The following MYBPC2 variants were observed in gnomAD, a reference collection of about 807,000 sequenced individuals.
The protein encoded by MYBPC2 is myosin binding protein C2.
In MYBPC2, 122 loss-of-function variants were observed where a neutral mutation model predicts 137.0. The ratio of observed to expected loss-of-function variants is 0.89; its 90% CI spans 0.77 to 1.03. MYBPC2 has a LOEUF of 1.03. Among genes scored for constraint, MYBPC2 ranks in the 50% least tolerant of loss-of-function variants. MYBPC2 has a pLI of 0.00. For missense variants in MYBPC2, 1,500 were observed against 1,534.4 expected, an observed-to-expected ratio of 0.98 and a Z score of 0.37; for synonymous variants, 626 against 612.3, an observed-to-expected ratio of 1.02 and a Z score of -0.33.
Position 50,435,877 on chromosome 19 carries a change from G to A in MYBPC2, c.196+15G>A. ...AGTGGAGACTGGTGAGGGGAACCCG[G>A]GGGAGGAGGGGCTGCGGCCCGGACT... On this transcript the variant is annotated intron_variant, in intron 3 of 27. Transcript: ENST00000357701. This position sits in a 1 kb window ranked among gnomAD's most constrained non-coding sequence, Gnocchi z 4.8. The A allele has an allele frequency of 6.4e-7, 1 of 1,573,118 alleles. No individual in the cohort carries two copies. The highest frequency in any genetic ancestry group is 8.6e-7 in the Non-Finnish European group (1 of 1,157,832).
In MYBPC2 at chr19:50,459,933, A is replaced by C; in HGVS notation, c.2792-107A>C. On this transcript the variant is annotated intron_variant, in intron 23 of 27. Transcript: ENST00000357701. ...CCATAGGCAGGAATGGGAATGGGGC[A>C]TAAGAGAGGTTAGAATCAGGAGGGA... 3 of 1,463,548 alleles carry C rather than the reference A, an allele frequency of 2.0e-6. No individual in the cohort carries two copies. In the South Asian group the frequency reaches 3.7e-5, roughly 18 times the overall value. 90.7% of individuals were successfully genotyped at this position (1,463,548 alleles called of 1,614,324 possible). A position where few individuals can be genotyped will look rare whatever the true frequency, so the allele number is the denominator to read the frequency against.
rs778638767 is a variant in MYBPC2, at chr19:50,450,882, C to T, written c.1526C>T (p.Thr509Met). Residue 509 changes from threonine (T) to methionine (M), a missense_variant, in exon 14 of 28, where the codon ACG becomes ATG. By Grantham distance (81) the Thr-to-Met change is moderately conservative. Transcript: ENST00000357701. ...DVRPEDEGDYTFVPDGYALSL... is the reference protein window; with the variant it reads ...DVRPEDEGDYMFVPDGYALSL... ...CGCCCCGAGGATGAGGGAGACTACA[C>T]GTTTGTGCCTGACGGCTACGCCCTG... 20 of 1,580,590 alleles carry T rather than the reference C, an allele frequency of 1.3e-5. No homozygotes were observed. The highest frequency in any genetic ancestry group is 2.3e-5 in the East Asian group (1 of 42,930).
In MYBPC2 at chr19:50,460,056, C is replaced by T; in HGVS notation, c.2808C>T (p.Pro936=). The change falls in exon 24 of 28, where the codon CCC becomes CCT. Residue 936 remains proline, a synonymous_variant. Coordinates refer to ENST00000357701, the MANE Select transcript of MYBPC2 (RefSeq NM_004533.4). ...RIRVVEKAGP[P]INVMVKEVWG... ...CATTTCCAGAAAAGGCTGGGCCCCC[C>T]ATAAACGTGATGGTGAAGGAGGTGT... 6.4e-7 allele frequency: 1 copy of T among 1,554,684 alleles called. No individual in the cohort carries two copies. The highest frequency in any genetic ancestry group is 1.2e-5 in the South Asian group (1 of 84,190).
intron 16 of MYBPC2, among the ~76,000 whole-genome samples, chr19:50,452,796 G>A (rs1166012299): frequency 2.0e-5 from 3 of 152,090 alleles, no homozygotes; most frequent in South Asian, 2.1e-4. Context: ...GAACTCAAAC[G>A]ATCCTTCCAC....
chr19:50,450,867 A>T lies in MYBPC2; in HGVS notation c.1511A>T (p.Asp504Val). 1 of 1,579,868 alleles carries T rather than the reference A, an allele frequency of 6.3e-7. No individual in the cohort carries two copies. Among genetic ancestry groups the T allele is most frequent in the Non-Finnish European group, 8.6e-7 (1 of 1,163,334 alleles). ...GTGATCGATGACGTCCGCCCCGAGG[A>T]TGAGGGAGACTACACGTTTGTGCCT... The part of the protein sequence containing the change: ...KLVIDDVRPE[D>V]EGDYTFVPDG... Residue 504 changes from aspartate (D) to valine (V), a missense_variant, in exon 14 of 28, where the codon GAT (aspartate) becomes GTT (valine). Coordinates refer to ENST00000357701, the MANE Select transcript of MYBPC2 (RefSeq NM_004533.4).
intron 25 of MYBPC2, 28 bp downstream of exon 25, chr19:50,461,729 G>GC (rs2039973599): frequency 6.2e-7 from 1 of 1,611,786 alleles, no homozygotes; most frequent in African/African-American, 1.3e-5. Flanking sequence ...CACAGCCCAG[G>GC]CCCACCCCGT....
intron 11 of MYBPC2, among the ~76,000 whole-genome samples, chr19:50,445,623 C>T (rs1253609386): frequency 6.6e-6 from 1 of 151,944 alleles, no homozygotes; most frequent in African/African-American, 2.4e-5. Context: ...GAACTCCTGA[C>T]CTCAGGTGAT....
At chr19:50,438,845 A>T (rs1178195591) in intron 7 of MYBPC2, among the ~76,000 whole-genome samples, 4 of 152,094 alleles carry the variant, frequency 2.6e-5, no homozygotes, top group African/African-American at 9.7e-5. Flanking sequence ...CAGTCTGGGC[A>T]ACAGAGTGAG....
intron 5 of MYBPC2, 34 bp from the exon 6 acceptor site, chr19:50,437,439 A>T (rs374278054): frequency 6.3e-7 from 1 of 1,599,562 alleles, no homozygotes; most frequent in African/African-American, 1.3e-5. Flanking sequence ...CTGGCCTCTA[A>T]CTCACCTTCC....
intron 24 of MYBPC2, among the ~76,000 whole-genome samples, chr19:50,460,659 TG>T (rs1568669384): frequency 6.6e-6 from 1 of 152,232 alleles, no homozygotes; most frequent in East Asian, 1.9e-4. Context: ...AGTTCATCCA[TG>T]CTGCAGGGTG....
chr19:50,441,582 G>A (rs1465893040), intron 8 of MYBPC2, among the ~76,000 whole-genome samples: 1 of 152,184 alleles, frequency 6.6e-6, no homozygotes, highest in African/African-American at 2.4e-5. Context: ...GCTCACGCCT[G>A]TAATCTCAGC....
chr19:50,433,949 C>G (rs11667821), intron 1 of MYBPC2, among the ~76,000 whole-genome samples: 56,161 of 152,004 alleles, frequency 0.37, 11,542 homozygotes, highest in East Asian at 0.52. Context: ...GTGGTGCATG[C>G]CTGTAGTCCC....
In MYBPC2 at chr19:50,464,435, C is replaced by T. The variant is rs968851607; in HGVS notation, c.3318C>T (p.Asn1106=). The T allele has an allele frequency of 1.2e-6, 2 of 1,611,786 alleles. No homozygotes were observed. Among genetic ancestry groups the T allele is most frequent in the Admixed American group, 3.4e-5 (2 of 59,654 alleles). Residue 1106 remains asparagine, a synonymous_variant, in exon 27 of 28, where the codon AAC becomes AAT. Coordinates refer to ENST00000357701, the MANE Select transcript of MYBPC2 (RefSeq NM_004533.4). ...ATTACCAAGGAGTCCTGACGCTGAA[C>T]ATCCGTCGCCCCTCGCCCTTCGACG... is the stretch of plus-strand genomic sequence containing the variant. The part of the protein sequence containing the change: ...ITNYQGVLTL[N]IRRPSPFDAG...
At chr19:50,443,843 C>T in intron 11 of MYBPC2, 27 bp downstream of exon 11, 3 of 1,588,110 alleles carry the variant, frequency 1.9e-6, no homozygotes, top group Non-Finnish European at 2.6e-6. Context: ...CCCTGATCTC[C>T]ATACAGGTGC....
Position 50,436,686 on chromosome 19 carries a change from A to G in MYBPC2, c.415A>G (p.Lys139Glu), listed in dbSNP as rs753448205. The change falls in exon 5 of 28, where the codon AAA becomes GAA. Residue 139 changes from lysine to glutamate, a missense_variant. By Grantham distance (56) the Lys-to-Glu change is moderately conservative. Transcript: ENST00000357701. Reference protein sequence around the residue: ...GDRGYYRLEVKAKDTCDSCGF... With the variant: ...GDRGYYRLEVEAKDTCDSCGF... Reference sequence around the variant, plus strand: ...CCGTGGGTATTACCGCCTCGAGGTCAAAGCCAAGGACACCTGTGACAGCTG... The same window carrying G: ...CCGTGGGTATTACCGCCTCGAGGTCGAAGCCAAGGACACCTGTGACAGCTG... The G allele has an allele frequency of 4.3e-6, 7 of 1,613,830 alleles. No homozygotes were observed.
rs2039955389 is a variant in MYBPC2, at chr19:50,459,896, G to C, written c.2792-144G>C. 18 of 1,205,326 alleles carry C rather than the reference G, an allele frequency of 1.5e-5. No homozygotes were observed. In the South Asian group the frequency reaches 2.4e-4, roughly 16 times the overall value. 74.7% of individuals were successfully genotyped at this position (1,205,326 alleles called of 1,614,324 possible). ...AGGATAAGAGGAAGTGGAGAGACTG[G>C]GATGGGGGAGGCCATAGGCAGGAAT... On this transcript the variant is annotated intron_variant, in intron 23 of 27. Transcript: ENST00000357701.
At chr19:50,442,390 T>A in intron 9 of MYBPC2, 77 bp downstream of exon 9, 1 of 1,539,954 alleles carries the variant, frequency 6.5e-7, no homozygotes, top group Admixed American at 2.0e-5. Context: ...GGCCTATCAC[T>A]CTTAACCAGA....
At chr19:50,464,704 T>G (rs527491156) in intron 27 of MYBPC2, among the ~76,000 whole-genome samples, 172 bp downstream of exon 27, 1 of 151,952 alleles carries the variant, frequency 6.6e-6, no homozygotes, top group Non-Finnish European at 1.5e-5. Flanking sequence ...ATCCTAGGAG[T>G]TGGGGTTGGG....
At chr19:50,463,066 A>G (rs2039985126) in intron 26 of MYBPC2, among the ~76,000 whole-genome samples, 1 of 152,122 alleles carries the variant, frequency 6.6e-6, no homozygotes, top group Non-Finnish European at 1.5e-5. Context: ...GACACTTGCA[A>G]CCTAGAGCTC....
Sources: allele counts gnomAD v4.1 joint callset (sites outside exome capture counted in the v4.1 genomes callset), GRCh38; gene constraint gnomAD v4.1.1; non-coding constraint Gnocchi (gnomAD v3.1); transcripts MANE v1.5; gene names NCBI Gene and HGNC (gene_info 2026-07-23, HGNC 2026-07-21).